BBS9: variants seen among roughly 807,000 people sequenced by gnomAD.
BBS9 encodes Bardet-Biedl syndrome 9.
A neutral mutation model predicts 117.7 loss-of-function variants in BBS9; 89 were observed. The ratio of observed to expected loss-of-function variants is 0.76; its 90% CI spans 0.64 to 0.90. The LOEUF is 0.90. BBS9 is among the 40% of genes least tolerant of loss of function. The pLI is 0.00. For synonymous variants in BBS9, 379 were observed against 370.9 expected (o/e 1.02, Z -0.25); for missense variants, 982 against 1,042.2 (o/e 0.94, Z 0.80).
At chr7:33,425,225 A>T (rs1460876610) in intron 19 of BBS9, among the ~76,000 whole-genome samples, 1 of 152,152 alleles carries the variant, frequency 6.6e-6, no homozygotes, top group African/African-American at 2.4e-5. Context: ...TATAGATCCC[A>T]TTGTTAGTCT....
intron 21 of BBS9, among the ~76,000 whole-genome samples, chr7:33,554,775 G>C (rs1018428670): frequency 2.0e-5 from 3 of 152,156 alleles, no homozygotes; most frequent in Non-Finnish European, 2.9e-5. Flanking sequence ...AACTGAATGG[G>C]CTTTCACTTA....
At chr7:33,598,953 T>C (rs576396499) in intron 21 of BBS9, among the ~76,000 whole-genome samples, 1 of 152,316 alleles carries the variant, frequency 6.6e-6, no homozygotes, top group South Asian at 2.1e-4. Flanking sequence ...TAAAGTTTTA[T>C]TGGAACACAG....
chr7:33,421,839 T>G (rs933351648), intron 19 of BBS9, among the ~76,000 whole-genome samples: 1 of 152,170 alleles, frequency 6.6e-6, no homozygotes, highest in Non-Finnish European at 1.5e-5. Context: ...AGATAACACT[T>G]GAAAATTAGC....
At position 33,592,300 on chromosome 7, in the gene BBS9, C is replaced by G. The variant is rs182356918; in HGVS notation, c.2522-12565C>G. ...CCCATTACAAGCATCTAATTTAATC[C>G]TAATCTCTCAGAAAGCACATGCTAT... On this transcript the variant is annotated intron_variant, in intron 21 of 22. Coordinates refer to ENST00000242067, the MANE Select transcript of BBS9 (RefSeq NM_198428.3). Among the ~76,000 whole-genome samples the G allele has an allele frequency of 4.9e-3, 742 of 152,040 alleles. 10 individuals carry two copies. Among genetic ancestry groups the G allele is most frequent in the African/African-American group, 0.017 (705 of 41,472 alleles).
At chr7:33,340,252 C>G (rs1816229793) in intron 10 of BBS9, among the ~76,000 whole-genome samples, 1 of 151,940 alleles carries the variant, frequency 6.6e-6, no homozygotes, top group African/African-American at 2.4e-5. Context: ...ATTGTTTTGA[C>G]ACAAATATGT....
chr7:33,272,208 G>C (rs1799915639), intron 7 of BBS9, among the ~76,000 whole-genome samples: 1 of 152,128 alleles, frequency 6.6e-6, no homozygotes, highest in South Asian at 2.1e-4. Context: ...GAGGTTGAAA[G>C]GTGGGAGGAG....
chr7:33,317,450 A>G (rs1367274279), intron 9 of BBS9, among the ~76,000 whole-genome samples: 1 of 22,204 alleles, frequency 4.5e-5, no homozygotes, highest in East Asian at 1.3e-3. Context: ...GTGAGAATCA[A>G]CATCTTTTTT....
intron 17 of BBS9, chr7:33,380,041 G>T (rs557783089): frequency 6.5e-6 from 1 of 154,108 alleles, no homozygotes; most frequent in South Asian, 2.1e-4. Flanking sequence ...AAGACTGTGA[G>T]CAGCTGTTCC....
chr7:33,154,170 G>A (rs138657437), intron 3 of BBS9, among the ~76,000 whole-genome samples: 53 of 152,228 alleles, frequency 3.5e-4, no homozygotes, highest in African/African-American at 1.2e-3. Flanking sequence ...ATTTCCAAAG[G>A]TGATACTGAT....
intron 19 of BBS9, among the ~76,000 whole-genome samples, chr7:33,486,180 A>AATCC (rs1298363522): frequency 1.3e-5 from 2 of 152,140 alleles, no homozygotes; most frequent in Admixed American, 1.3e-4. Flanking sequence ...CAGTCTAAAC[A>AATCC]ATCCAGGCTA....
chr7:33,466,750 C>T (rs908710136), intron 19 of BBS9, among the ~76,000 whole-genome samples: 2 of 152,000 alleles, frequency 1.3e-5, no homozygotes, highest in Admixed American at 6.6e-5. Flanking sequence ...CATTTTGTAA[C>T]CAGTAAAGAA....
rs146123693 is a variant in BBS9 at position 33,514,231 on chromosome 7, A to G, written c.2298+8586A>G. 4.6e-5 allele frequency among the ~76,000 whole-genome samples: 7 copies of G among 152,204 alleles called. No homozygotes were observed. In the East Asian group the frequency reaches 5.8e-4, roughly 13 times the overall value. On this transcript the variant is annotated intron_variant, in intron 20 of 22. Transcript: ENST00000242067. ...GGTTTCCTTATCTGTACGGTGGTGA[A>G]CTAGACTATTCCCCAAGGACTGGTT...
chr7:33,587,417 A>T (rs1861094938), intron 21 of BBS9, among the ~76,000 whole-genome samples: 1 of 151,934 alleles, frequency 6.6e-6, no homozygotes, highest in African/African-American at 2.4e-5. Context: ...GTTTCAGTTG[A>T]TCTTTTTGGT....
chr7:33,553,174 CTAT>C (rs1039479480), intron 21 of BBS9, among the ~76,000 whole-genome samples: 7 of 152,308 alleles, frequency 4.6e-5, no homozygotes, highest in Non-Finnish European at 7.4e-5. Context: ...TCTGTGACCC[CTAT>C]TATTCTCACT....
intron 19 of BBS9, among the ~76,000 whole-genome samples, chr7:33,402,594 G>A (rs1421924550): frequency 2.0e-5 from 3 of 152,082 alleles, no homozygotes; most frequent in African/African-American, 7.2e-5. Context: ...CATATAAATG[G>A]AATCATACAA....
intron 5 of BBS9, among the ~76,000 whole-genome samples, chr7:33,204,447 T>C (rs901239397): frequency 1.3e-5 from 2 of 149,964 alleles, no homozygotes; most frequent in African/African-American, 2.4e-5. Context: ...GGATCACTGA[T>C]AGAAGTGTGG....
At chr7:33,340,876 T>A (rs1288916186) in intron 10 of BBS9, 21 bp from the exon 11 acceptor site, 1 of 1,603,048 alleles carries the variant, frequency 6.2e-7, no homozygotes, top group South Asian at 1.1e-5. Context: ...ATTAAATAAT[T>A]TTTCTTTTTT....
At chr7:33,230,950 G>T (rs1220904698) in intron 5 of BBS9, among the ~76,000 whole-genome samples, 2 of 152,122 alleles carry the variant, frequency 1.3e-5, no homozygotes, top group Non-Finnish European at 2.9e-5. Context: ...TAGTGGGATT[G>T]CTGGGTCTTA....
intron 19 of BBS9, among the ~76,000 whole-genome samples, chr7:33,415,977 G>A (rs533677857): frequency 3.9e-4 from 60 of 152,088 alleles, no homozygotes; most frequent in African/African-American, 1.4e-3. Flanking sequence ...GGAACAACAG[G>A]TGCATCCCAC....
Sources: allele counts gnomAD v4.1 joint callset (sites outside exome capture counted in the v4.1 genomes callset), GRCh38; gene constraint gnomAD v4.1.1; transcripts MANE v1.5; gene names NCBI Gene and HGNC (gene_info 2026-07-23, HGNC 2026-07-21).